The following TMEM44 variants were observed in gnomAD, a reference collection of about 807,000 sequenced individuals.
TMEM44 encodes transmembrane protein 44.
TMEM44 carries 43 observed loss-of-function variants against 47.8 expected under a neutral mutation model. The observed-to-expected ratio is 0.90, with a 90% CI of 0.70 to 1.16. The LOEUF (loss-of-function observed/expected upper bound fraction) is 1.16. Among genes scored for constraint, TMEM44 ranks in the 50% most tolerant of loss-of-function variants. The probability of loss-of-function intolerance (pLI) is 0.00; values close to 1 mark genes in which losing one functional copy is unlikely to be tolerated. For synonymous variants in TMEM44, 277 were observed against 238.8 expected, an observed-to-expected ratio of 1.16 and a Z score of -1.48; for missense variants, 568 against 555.2, an observed-to-expected ratio of 1.02 and a Z score of -0.23.
At chr3:194,594,136 T>TATC (rs1294252350) in intron 9 of TMEM44, among the ~76,000 whole-genome samples, 13 of 148,460 alleles carry the variant, frequency 8.8e-5, no homozygotes, top group Non-Finnish European at 1.6e-4. Flanking sequence ...TCTATCTATC[T>TATC]ATCTATCTAT....
intron 9 of TMEM44, among the ~76,000 whole-genome samples, chr3:194,602,112 C>A (rs1162750790): frequency 6.6e-6 from 1 of 152,208 alleles, no homozygotes; most frequent in Non-Finnish European, 1.5e-5. Context: ...CCTACAAATT[C>A]TGAGACCGGA....
intron 8 of TMEM44, among the ~76,000 whole-genome samples, chr3:194,610,257 C>T (rs548451175): frequency 5.9e-5 from 9 of 151,674 alleles, no homozygotes; most frequent in East Asian, 1.9e-4. Context: ...CGTGTCTAAA[C>T]GACCCGACCC....
chr3:194,590,660 GA>G (rs1712554004), intron 9 of TMEM44, among the ~76,000 whole-genome samples: 1 of 152,188 alleles, frequency 6.6e-6, no homozygotes, highest in Non-Finnish European at 1.5e-5. Flanking sequence ...AGCCACACCA[GA>G]AGCACCCAGG....
At chr3:194,612,496 T>C (rs1715424603) in intron 7 of TMEM44, among the ~76,000 whole-genome samples, 1 of 151,922 alleles carries the variant, frequency 6.6e-6, no homozygotes, top group African/African-American at 2.4e-5. Flanking sequence ...TCGGTCCAAA[T>C]GCACTCCCCA....
chr3:194,627,209 T>G (rs994195268), intron 2 of TMEM44, among the ~76,000 whole-genome samples: 12 of 152,214 alleles, frequency 7.9e-5, no homozygotes, highest in Non-Finnish European at 1.8e-4. Flanking sequence ...CCCTATTGTA[T>G]TCTATTAGCT....
At chr3:194,593,121 A>C (rs1712973941) in intron 9 of TMEM44, 2 of 1,599,924 alleles carry the variant, frequency 1.3e-6, no homozygotes, top group African/African-American at 2.7e-5. Flanking sequence ...AGATTTTGCC[A>C]CCATCCCACA....
Position 194,604,391 on chromosome 3 carries a change from C to G in TMEM44, c.1072G>C (p.Ala358Pro), listed in dbSNP as rs369571041. The G allele has an allele frequency of 4.9e-4, 758 of 1,547,870 alleles. No individual in the cohort carries two copies. The highest frequency in any genetic ancestry group is 6.3e-4 in the Non-Finnish European group (726 of 1,144,152). Residue 358 changes from alanine to proline, a missense_variant, in exon 9 of 10, where the codon GCG becomes CCG. By Grantham distance (27) the Ala-to-Pro change is conservative (BLOSUM62 -1). Transcript: ENST00000347147. ...TACGACGGGGGGTCCTGCAGGGACG[C>G]ATCTCCGGCGCTCGTCTGCCCGTCA... ...PGDGQTSAGD[A>P]SLQDPPSYPP...
intron 5 of TMEM44, 30 bp from the exon 6 acceptor site, chr3:194,617,299 G>GGGA: frequency 3.2e-6 from 2 of 619,742 alleles, no homozygotes; most frequent in Non-Finnish European, 2.7e-6. Flanking sequence ...GGCTGGGCGG[G>GGGA]AGAAGCAGCA....
At chr3:194,606,668 G>T (rs1050742940) in intron 8 of TMEM44, among the ~76,000 whole-genome samples, 18 of 152,068 alleles carry the variant, frequency 1.2e-4, no homozygotes, top group African/African-American at 1.7e-4. Flanking sequence ...GGCCAGGCAC[G>T]GTGGCTCACA....
intron 9 of TMEM44, among the ~76,000 whole-genome samples, chr3:194,595,654 C>G (rs1359321213): frequency 6.7e-6 from 1 of 148,338 alleles, no homozygotes; most frequent in Non-Finnish European, 1.5e-5. Flanking sequence ...GAGATGGAGT[C>G]TCACTCTGTT....
chr3:194,627,587 A>G (rs1717312039), intron 2 of TMEM44, among the ~76,000 whole-genome samples: 1 of 152,212 alleles, frequency 6.6e-6, no homozygotes, highest in South Asian at 2.1e-4. Context: ...TTGGGCACCT[A>G]CTAGGAGCCA....
chr3:194,591,455 C>T (rs537517019), intron 9 of TMEM44, among the ~76,000 whole-genome samples: 17 of 152,246 alleles, frequency 1.1e-4, no homozygotes, highest in African/African-American at 4.8e-5. Context: ...GATCACGCCA[C>T]TGTACTCCAG....
intron 5 of TMEM44, among the ~76,000 whole-genome samples, chr3:194,618,863 C>T (rs1462408345): frequency 2.0e-5 from 3 of 152,204 alleles, no homozygotes; most frequent in South Asian, 2.1e-4. Flanking sequence ...GTCTGGCCTG[C>T]GCCCTGAAGA....
chr3:194,619,592 T>C (rs1243281916), intron 5 of TMEM44, among the ~76,000 whole-genome samples: 1 of 152,218 alleles, frequency 6.6e-6, no homozygotes, highest in Admixed American at 6.5e-5. Flanking sequence ...CAATGGGAAC[T>C]TTCCCACCAA....
Position 194,610,924 on chromosome 3 carries a change from C to G in TMEM44, c.1009G>C (p.Val337Leu). 6.2e-7 allele frequency: 1 copy of G among 1,613,364 alleles called. No homozygotes were observed. Among genetic ancestry groups the G allele is most frequent in the Non-Finnish European group, 8.5e-7 (1 of 1,179,742 alleles). ...GACCGATGGCCACTCACCTGCTGCA[C>G]AGGCTCGATGGTCAGCTCCATGTAG... The part of the protein sequence containing the change: ...SRYMELTIEP[V>L]QQAGCSATRL... The change falls in exon 8 of 10, where the codon GTG (valine) becomes CTG (leucine). Residue 337 changes from valine (V) to leucine (L), a missense_variant. Physicochemically the swap from Val to Leu is conservative, Grantham distance 32 (BLOSUM62 1). Transcript: ENST00000347147.
At chr3:194,619,163 C>T (rs148926575) in intron 5 of TMEM44, among the ~76,000 whole-genome samples, 132 of 152,364 alleles carry the variant, frequency 8.7e-4, no homozygotes, top group African/African-American at 2.9e-3. Context: ...ATGAACTGCA[C>T]GGGGAAGCCC....
intron 9 of TMEM44, among the ~76,000 whole-genome samples, chr3:194,597,705 T>C (rs1706018): frequency 0.49 from 74,443 of 151,076 alleles, 18,853 homozygotes; most frequent in Non-Finnish European, 0.56. Context: ...ACAGGAGCAG[T>C]GAACTTCAGG....
intron 6 of TMEM44, 110 bp from the exon 7 acceptor site, chr3:194,615,807 C>T (rs1715821741): frequency 7.1e-7 from 1 of 1,417,266 alleles, no homozygotes; most frequent in African/African-American, 1.4e-5. Flanking sequence ...CTACTCTCCT[C>T]CCTCCCCTGT....
At chr3:194,613,546 G>T (rs1252854320) in intron 7 of TMEM44, among the ~76,000 whole-genome samples, 1 of 143,430 alleles carries the variant, frequency 7.0e-6, no homozygotes, top group African/African-American at 2.6e-5. Context: ...AGGCTGGAGT[G>T]CAATGGTGCG....
Sources: allele counts gnomAD v4.1 joint callset (sites outside exome capture counted in the v4.1 genomes callset), GRCh38; gene constraint gnomAD v4.1.1; transcripts MANE v1.5; gene names NCBI Gene and HGNC (gene_info 2026-07-23, HGNC 2026-07-21).